KATNIP: variants seen among roughly 807,000 people sequenced by gnomAD.
KATNIP encodes the protein katanin interacting protein.
In KATNIP, 126 loss-of-function variants were observed where a neutral mutation model predicts 174.0. That is an observed-to-expected ratio of 0.72 (90% confidence interval 0.63 to 0.84). KATNIP has a LOEUF of 0.84. Ranked by LOEUF, KATNIP falls within the 40% of genes least tolerant of loss-of-function variation. The pLI is 0.00. For synonymous variants in KATNIP, 810 were observed against 835.7 expected, an observed-to-expected ratio of 0.97 and a Z score of 0.53; for missense variants, 1,958 against 2,109.7, an observed-to-expected ratio of 0.93 and a Z score of 1.41.
intron 5 of KATNIP, chr16:27,644,582 T>A (rs1217336722): frequency 6.6e-6 from 1 of 152,272 alleles, no homozygotes; most frequent in Admixed American, 6.5e-5. Flanking sequence ...CATAGCTCAC[T>A]GCAGCCTCGA....
At chr16:27,568,584 C>T (rs1243970608) in intron 1 of KATNIP, among the ~76,000 whole-genome samples, 2 of 152,130 alleles carry the variant, frequency 1.3e-5, no homozygotes, top group African/African-American at 4.8e-5. Flanking sequence ...CCTGCCTCAG[C>T]CTCCCGAGTA....
chr16:27,573,112 T>G (rs2090367222), intron 1 of KATNIP, among the ~76,000 whole-genome samples: 1 of 152,232 alleles, frequency 6.6e-6, no homozygotes. Context: ...TTCTGAGTGC[T>G]CTTACCTAAG....
intron 1 of KATNIP, 55 bp downstream of exon 1, chr16:27,550,232 C>G (rs1332152771): frequency 1.3e-6 from 2 of 1,583,194 alleles, no homozygotes; most frequent in African/African-American, 2.7e-5. Flanking sequence ...CCATCCCTCC[C>G]GACCGCGCTT....
intron 5 of KATNIP, among the ~76,000 whole-genome samples, chr16:27,645,784 G>T (rs1427473827): frequency 6.6e-6 from 1 of 152,218 alleles, no homozygotes; most frequent in Non-Finnish European, 1.5e-5. Context: ...AGTCCTGTCT[G>T]CACTGAGTCT....
chr16:27,640,677 AT>A (rs11320678), intron 5 of KATNIP, among the ~76,000 whole-genome samples: 91,696 of 122,028 alleles, frequency 0.75, 32,804 homozygotes, highest in East Asian at 0.92. Flanking sequence ...TTGGTTTTTA[AT>A]TTTTTTTTTT....
At chr16:27,697,255 A>C (rs1347952017) in intron 8 of KATNIP, among the ~76,000 whole-genome samples, 1 of 152,186 alleles carries the variant, frequency 6.6e-6, no homozygotes, top group Non-Finnish European at 1.5e-5. Context: ...TGGCTGAACT[A>C]ATTTACACTC....
At chr16:27,556,281 G>GA (rs2089625388) in intron 1 of KATNIP, among the ~76,000 whole-genome samples, 1 of 152,186 alleles carries the variant, frequency 6.6e-6, no homozygotes, top group African/African-American at 2.4e-5. Context: ...TTGCTTAAGA[G>GA]AAAATCCAAT....
chr16:27,631,717 G>T (rs1476760608), intron 5 of KATNIP, among the ~76,000 whole-genome samples: 1 of 152,140 alleles, frequency 6.6e-6, no homozygotes. Flanking sequence ...CAGACTCAGA[G>T]TCCCATCATG....
intron 5 of KATNIP, among the ~76,000 whole-genome samples, chr16:27,639,469 G>A (rs1052372587): frequency 1.3e-5 from 2 of 152,176 alleles, no homozygotes; most frequent in South Asian, 2.1e-4. Context: ...CAGAGCCGTC[G>A]TTTACCAAAA....
At position 27,627,139 on chromosome 16, in the gene KATNIP, T is replaced by G. The variant is rs76014782; in HGVS notation, c.141-1522T>G. 7.9e-3 allele frequency among the ~76,000 whole-genome samples: 1,196 copies of G among 152,324 alleles called. 16 individuals are homozygous for G. Among genetic ancestry groups the G allele is most frequent in the African/African-American group, 0.028 (1,143 of 41,556 alleles). On this transcript the variant is annotated intron_variant, in intron 3 of 27. Transcript: ENST00000261588. ...ATTTTTGCGGTCACTTGCAGACACG[T>G]GCAGAGAGGCAACATCTTTAGTCCC...
At chr16:27,657,616 C>CA (rs201172653) in intron 6 of KATNIP, among the ~76,000 whole-genome samples, 2,567 of 145,658 alleles carry the variant, frequency 0.018, 57 homozygotes, top group African/African-American at 0.056. Context: ...ACAAAACAAA[C>CA]AAAAAAAAAA....
At chr16:27,554,655 A>G (rs1488545931) in intron 1 of KATNIP, among the ~76,000 whole-genome samples, 2 of 152,094 alleles carry the variant, frequency 1.3e-5, no homozygotes, top group African/African-American at 4.8e-5. Flanking sequence ...ATTGTAGCCT[A>G]GTAGAGGGGT....
At chr16:27,742,148 C>T (rs2081133873) in intron 15 of KATNIP, among the ~76,000 whole-genome samples, 1 of 152,092 alleles carries the variant, frequency 6.6e-6, no homozygotes, top group African/African-American at 2.4e-5. Context: ...AAGGAGAGCC[C>T]ATCAAGGCAG....
Position 27,582,890 on chromosome 16 carries a change from G to A in KATNIP, c.63+8934G>A, listed in dbSNP as rs114436004. 9.2e-3 allele frequency among the ~76,000 whole-genome samples: 1,407 copies of A among 152,272 alleles called. 23 individuals are homozygous for A. Among genetic ancestry groups the A allele is most frequent in the African/African-American group, 0.033 (1,355 of 41,546 alleles). On this transcript the variant is annotated intron_variant, in intron 2 of 27. Transcript: ENST00000261588. Reference sequence around the variant, plus strand: ...ATCCTATTTACAAAGCTAATCCCTTGAAAGTCACAGGTGGAGAAGTCTTGC... The same window carrying A: ...ATCCTATTTACAAAGCTAATCCCTTAAAAGTCACAGGTGGAGAAGTCTTGC...
At chr16:27,766,115 G>A (rs1220286636) in intron 19 of KATNIP, among the ~76,000 whole-genome samples, 194 bp from the exon 20 acceptor site, 1 of 148,956 alleles carries the variant, frequency 6.7e-6, no homozygotes, top group East Asian at 2.0e-4. Context: ...TTTAAAAAAT[G>A]TCTCATTTCA....
intron 14 of KATNIP, among the ~76,000 whole-genome samples, chr16:27,736,058 A>G (rs1459895312): frequency 6.6e-6 from 1 of 152,190 alleles, no homozygotes; most frequent in African/African-American, 2.4e-5. Flanking sequence ...GCTGGAGTAC[A>G]ATGGCACGAT....
rs2080002310 is a variant in KATNIP, at chr16:27,717,410, T to G, written c.1606-4148T>G. 1.3e-5 allele frequency among the ~76,000 whole-genome samples: 2 copies of G among 152,208 alleles called. 1 individual carries two copies. Among genetic ancestry groups the G allele is most frequent in the African/African-American group, 4.8e-5 (2 of 41,442 alleles). On this transcript the variant is annotated intron_variant, in intron 13 of 27. Coordinates refer to ENST00000261588, the MANE Select transcript of KATNIP (RefSeq NM_015202.5). ...AGAAAGTTACCTGCTCAGAGAAGCC[T>G]GCTTTAACCATTCATTCTAAAATAG...
intron 6 of KATNIP, among the ~76,000 whole-genome samples, chr16:27,667,259 G>A (rs2077719169): frequency 6.6e-6 from 1 of 151,484 alleles, no homozygotes; most frequent in Non-Finnish European, 1.5e-5. Context: ...AGGTTGCAGT[G>A]AGCCATGATC....
chr16:27,766,847 A>T (rs981042599), intron 20 of KATNIP, among the ~76,000 whole-genome samples: 1 of 152,050 alleles, frequency 6.6e-6, no homozygotes, highest in Non-Finnish European at 1.5e-5. Context: ...CATTCCAGCC[A>T]ATGGGAGGTG....
Sources: gnomAD v4.1 joint callset for allele counts (sites outside exome capture counted in the v4.1 genomes callset) on GRCh38, gnomAD v4.1.1 for gene constraint, MANE v1.5 for transcripts, NCBI Gene and HGNC (gene_info 2026-07-23, HGNC 2026-07-21) for gene names.